Variants in ETV6 observed in about 807,000 individuals in gnomAD.
ETV6 encodes the protein transcription factor ETV6.
Under a neutral mutation model 51.1 loss-of-function variants are expected in ETV6, and 16 were observed. The ratio of observed to expected loss-of-function variants is 0.31; its 90% CI spans 0.21 to 0.48. The LOEUF (loss-of-function observed/expected upper bound fraction) is 0.48. Ranked by LOEUF, ETV6 falls within the 20% of genes least tolerant of loss-of-function variation. ETV6 has a pLI of 0.99. For missense variants in ETV6, 458 were observed against 594.8 expected, an observed-to-expected ratio of 0.77 and a Z score of 2.39; for synonymous variants, 240 against 224.1, an observed-to-expected ratio of 1.07 and a Z score of -0.64.
intron 2 of ETV6, among the ~76,000 whole-genome samples, chr12:11,761,681 A>G (rs1945087780): frequency 6.6e-6 from 1 of 152,226 alleles, no homozygotes; most frequent in Non-Finnish European, 1.5e-5. Flanking sequence ...GGCAGAGAAC[A>G]TGCTCTTGTA....
intron 6 of ETV6, 52 bp downstream of exon 6, chr12:11,884,639 T>G: frequency 6.2e-7 from 1 of 1,602,804 alleles, no homozygotes; most frequent in Middle Eastern, 1.7e-4. Context: ...AATGAAGTCC[T>G]TATCCCTGGA....
At chr12:11,790,032 T>C (rs1945557130) in intron 2 of ETV6, among the ~76,000 whole-genome samples, 1 of 152,178 alleles carries the variant, frequency 6.6e-6, no homozygotes, top group Non-Finnish European at 1.5e-5. Context: ...ATAATTATCT[T>C]TATTTTTCAC....
At chr12:11,821,280 G>A (rs1946077050) in intron 2 of ETV6, among the ~76,000 whole-genome samples, 1 of 152,112 alleles carries the variant, frequency 6.6e-6, no homozygotes, top group African/African-American at 2.4e-5. Flanking sequence ...GTGGGAAAAT[G>A]GTGTGAACCC....
At chr12:11,860,745 C>A (rs1946704788) in intron 4 of ETV6, among the ~76,000 whole-genome samples, 1 of 152,112 alleles carries the variant, frequency 6.6e-6, no homozygotes, top group Non-Finnish European at 1.5e-5. Context: ...ACAACATTTA[C>A]AATTTTAACC....
chr12:11,661,773 G>T (rs1022555599), intron 1 of ETV6, among the ~76,000 whole-genome samples: 2 of 152,202 alleles, frequency 1.3e-5, no homozygotes, highest in South Asian at 2.1e-4. Context: ...AGAAACAAAG[G>T]CTCCCTTTCT....
intron 1 of ETV6, among the ~76,000 whole-genome samples, chr12:11,663,773 ATG>A (rs1368998226): frequency 5.0e-5 from 7 of 141,324 alleles, no homozygotes; most frequent in African/African-American, 5.2e-5. Context: ...GTGTGTGTGT[ATG>A]TGTGTGTGTG....
chr12:11,836,915 CAT>C (rs779909119), intron 2 of ETV6, among the ~76,000 whole-genome samples: 1 of 152,242 alleles, frequency 6.6e-6, no homozygotes, highest in Non-Finnish European at 1.5e-5. Flanking sequence ...CAGACCTTCA[CAT>C]GTGTCCCCTA....
At position 11,786,957 on chromosome 12, in the gene ETV6, C is replaced by T. The variant is rs1018957946; in HGVS notation, c.163+34378C>T. ...CATAATTGATACTGTTGCCAGTGAT[C>T]AAACGCTGAAATGACTAAATGATAG... On this transcript the variant is annotated intron_variant, in intron 2 of 7. Transcript: ENST00000396373. 2.6e-5 allele frequency among the ~76,000 whole-genome samples: 4 copies of T among 152,130 alleles called. No homozygotes were observed. The East Asian group carries it at 7.7e-4, about 29-fold the overall frequency.
At chr12:11,856,863 C>A (rs1209221929) in intron 4 of ETV6, among the ~76,000 whole-genome samples, 1 of 152,160 alleles carries the variant, frequency 6.6e-6, no homozygotes, top group Non-Finnish European at 1.5e-5. Flanking sequence ...AATATTACTT[C>A]CCCAGTGATT....
At chr12:11,888,557 C>T (rs1040739814) in intron 7 of ETV6, among the ~76,000 whole-genome samples, 1 of 152,070 alleles carries the variant, frequency 6.6e-6, no homozygotes. Flanking sequence ...TGCCTGCCAC[C>T]ACACCTGACT....
Position 11,884,423 on chromosome 12 carries a change from T to C in ETV6, c.1010-22T>C, listed in dbSNP as rs147906539. The C allele has an allele frequency of 2.4e-4, 390 of 1,613,870 alleles. 3 individuals are homozygous for C. The East Asian group carries it at 8.2e-3, about 34-fold the overall frequency. Reference sequence around the variant, plus strand: ...AACAAGAAACATTTTCAACAGTGTTTTCTTGCCCTTTTCCTCTGTAGACTG... The same window carrying C: ...AACAAGAAACATTTTCAACAGTGTTCTCTTGCCCTTTTCCTCTGTAGACTG... On this transcript the variant is annotated intron_variant, in intron 5 of 7. Transcript: ENST00000396373.
chr12:11,665,894 G>T (rs1864185488), intron 1 of ETV6, among the ~76,000 whole-genome samples: 1 of 152,206 alleles, frequency 6.6e-6, no homozygotes, highest in Admixed American at 6.5e-5. Context: ...GGGGAATATA[G>T]ATAGCTGGAG....
At chr12:11,872,496 T>TC (rs1946895802) in intron 5 of ETV6, among the ~76,000 whole-genome samples, 1 of 36,694 alleles carries the variant, frequency 2.7e-5, no homozygotes, top group Admixed American at 3.4e-4. Context: ...TTATATTACT[T>TC]TTTTTTTTTT....
In ETV6 at chr12:11,893,208, C is replaced by G; in HGVS notation, c.*2162C>G. 1 of 232,766 alleles carries G rather than the reference C, an allele frequency of 4.3e-6. No homozygotes were observed. The highest frequency in any genetic ancestry group is 6.1e-5 in the East Asian group (1 of 16,512). 14.4% of individuals were successfully genotyped at this position (232,766 alleles called of 1,614,324 possible). On this transcript the variant is annotated 3_prime_UTR_variant, in exon 8 of 8. Transcript: ENST00000396373. Reference sequence around the variant, plus strand: ...AATACCTGATGTATTGTGAAAGCCACTGATTTTAAGAATGGAGAGAAAGGG... The same window carrying G: ...AATACCTGATGTATTGTGAAAGCCAGTGATTTTAAGAATGGAGAGAAAGGG...
At chr12:11,822,733 G>A (rs977222202) in intron 2 of ETV6, among the ~76,000 whole-genome samples, 4 of 152,212 alleles carry the variant, frequency 2.6e-5, no homozygotes, top group African/African-American at 9.6e-5. Flanking sequence ...TGCAAGTGAA[G>A]AGAAGAGGGA....
chr12:11,659,247 ATTC>A (rs141034465), intron 1 of ETV6, among the ~76,000 whole-genome samples: 6,246 of 152,268 alleles, frequency 0.041, 443 homozygotes, highest in African/African-American at 0.14. Context: ...CAGCAGTTGT[ATTC>A]TTCTTGCTGT....
intron 1 of ETV6, among the ~76,000 whole-genome samples, chr12:11,678,340 TG>T (rs1864460335): frequency 6.6e-6 from 1 of 152,294 alleles, no homozygotes; most frequent in Admixed American, 6.5e-5. Context: ...GAAGGAGGTC[TG>T]TATGTTTAGT....
At chr12:11,707,550 G>A (rs1351967210) in intron 1 of ETV6, among the ~76,000 whole-genome samples, 1 of 152,136 alleles carries the variant, frequency 6.6e-6, no homozygotes, top group African/African-American at 2.4e-5. Context: ...GAGAAATGTC[G>A]GAAGCATGGG....
chr12:11,704,182 C>G (rs1865032139), intron 1 of ETV6, among the ~76,000 whole-genome samples: 1 of 152,172 alleles, frequency 6.6e-6, no homozygotes, highest in African/African-American at 2.4e-5. Context: ...TTTCTGCCAT[C>G]AAGCCCAGTG....
Sources: gnomAD v4.1 joint callset for allele counts (sites outside exome capture counted in the v4.1 genomes callset) on GRCh38, gnomAD v4.1.1 for gene constraint, MANE v1.5 for transcripts, NCBI Gene and HGNC (gene_info 2026-07-23, HGNC 2026-07-21) for gene names.